The following ACSL4 variants were observed in gnomAD, a reference collection of about 807,000 sequenced individuals.
ACSL4 encodes the protein long-chain-fatty-acid--CoA ligase 4.
Under a neutral mutation model 49.1 loss-of-function variants are expected in ACSL4, and 9 were observed. That is an observed-to-expected ratio of 0.18 (90% CI 0.11 to 0.32). ACSL4 has a LOEUF of 0.32. ACSL4 is among the 10% of genes least tolerant of loss of function. The pLI, the probability that ACSL4 is intolerant of heterozygous loss-of-function variation, is 1.00. For synonymous variants in ACSL4, 191 were observed against 170.3 expected (o/e 1.12, Z -0.95); for missense variants, 333 against 493.7 (o/e 0.67, Z 3.08).
chrX:109,702,438 G>C (rs1301528455), intron 1 of ACSL4, among the ~76,000 whole-genome samples: 1 of 112,002 alleles, frequency 8.9e-6, no homozygotes, highest in Non-Finnish European at 1.9e-5. Context: ...ATATACTTAT[G>C]CTAGTGATTC....
intron 9 of ACSL4, among the ~76,000 whole-genome samples, chrX:109,669,468 A>G (rs2147410533): frequency 9.4e-6 from 1 of 105,833 alleles, no homozygotes; most frequent in Non-Finnish European, 1.9e-5. Context: ...ATCTCGGCTC[A>G]CTGCAAGCTC....
chrX:109,653,463 T>C (rs1369914015), intron 15 of ACSL4, among the ~76,000 whole-genome samples: 73 of 111,376 alleles, frequency 6.6e-4, no homozygotes, highest in Non-Finnish European at 1.3e-3. Context: ...GGGTATATAC[T>C]CAAAGGACTA....
At chrX:109,708,195 C>T (rs5943420) in intron 1 of ACSL4, among the ~76,000 whole-genome samples, 47,769 of 111,581 alleles carry the variant, frequency 0.43, 8,318 homozygotes, top group Middle Eastern at 0.61. Context: ...ATCCATCTGC[C>T]TCAGCCTCCC....
intron 1 of ACSL4, among the ~76,000 whole-genome samples, chrX:109,702,668 T>C (rs1312699869): frequency 9.0e-6 from 1 of 111,709 alleles, no homozygotes; most frequent in Non-Finnish European, 1.9e-5. Flanking sequence ...ATATTCAAGA[T>C]GAGGTTAGTG....
chrX:109,706,747 C>T lies in ACSL4; in HGVS notation c.-65-10551G>A, dbSNP rs1002537723. ...CAAACACTGACCTTACCACAACTCT[C>T]CTTTCCAAGTTTAGTCAAGAAGTGT... On this transcript the variant is annotated intron_variant, in intron 1 of 15. Coordinates refer to ENST00000672401, the MANE Select transcript of ACSL4 (RefSeq NM_001318510.2). 3.6e-5 allele frequency among the ~76,000 whole-genome samples: 4 copies of T among 112,368 alleles called. No individual in the cohort carries two copies. In the South Asian group the frequency reaches 1.5e-3, roughly 41 times the overall value.
intron 2 of ACSL4, among the ~76,000 whole-genome samples, chrX:109,690,821 A>G (rs1023248671): frequency 1.0e-4 from 11 of 110,110 alleles, no homozygotes; most frequent in Non-Finnish European, 2.1e-4. Context: ...AATCAGATTC[A>G]ATTTTATTTT....
At chrX:109,660,197 T>C (rs1172305270) in intron 14 of ACSL4, among the ~76,000 whole-genome samples, 3 of 110,991 alleles carry the variant, frequency 2.7e-5, no homozygotes, top group Non-Finnish European at 5.7e-5. Flanking sequence ...ATATATCTGA[T>C]AAGGGGTTAA....
At chrX:109,692,417 T>C (rs990267062) in intron 2 of ACSL4, among the ~76,000 whole-genome samples, 9 of 112,083 alleles carry the variant, frequency 8.0e-5, no homozygotes, top group African/African-American at 2.9e-4. Context: ...CAATAATTGG[T>C]TGTAAATAAT....
intron 8 of ACSL4, among the ~76,000 whole-genome samples, chrX:109,676,470 G>A (rs886310363): frequency 1.6e-4 from 18 of 111,468 alleles, no homozygotes; most frequent in Non-Finnish European, 3.2e-4. Context: ...GCCTGGTGGG[G>A]GGCGGTCTGA....
At chrX:109,648,347 C>G (rs1934835451) in intron 15 of ACSL4, among the ~76,000 whole-genome samples, 1 of 111,725 alleles carries the variant, frequency 9.0e-6, no homozygotes, top group South Asian at 3.8e-4. Flanking sequence ...GGCTTCATCC[C>G]TGGGATGCAA....
rs760470947 is a variant in ACSL4 at position 109,683,652 on chromosome X, G to A, written c.-12-277C>T. On this transcript the variant is annotated intron_variant, in intron 2 of 15. Transcript: ENST00000672401. ...TAAAAGTTAGTAATCTTTGGAAGCCGACAATAAAGTACGCCTGTAGGTGAT... is the reference window on the plus strand; with the variant it reads ...TAAAAGTTAGTAATCTTTGGAAGCCAACAATAAAGTACGCCTGTAGGTGAT... The A allele has an allele frequency of 2.0e-4, 88 of 440,764 alleles. No individual in the cohort carries two copies. In the South Asian group the frequency reaches 2.3e-3, roughly 12 times the overall value. The allele number at this position is 440,764 out of a possible 1,213,427, so 36.3% of individuals were successfully genotyped here. A position where few individuals can be genotyped will look rare whatever the true frequency, so the allele number is the denominator to read the frequency against.
chrX:109,684,110 G>C (rs755493230), intron 2 of ACSL4, among the ~76,000 whole-genome samples: 6 of 111,343 alleles, frequency 5.4e-5, no homozygotes, highest in South Asian at 3.8e-4. Context: ...TATCCAAAGG[G>C]GGGGGTGGGG....
chrX:109,644,770 A>G (rs920731881), intron 15 of ACSL4, among the ~76,000 whole-genome samples: 28 of 112,878 alleles, frequency 2.5e-4, no homozygotes, highest in East Asian at 5.6e-4. Context: ...CTGAGGTACC[A>G]GGTTCATCTC....
chrX:109,645,123 T>G (rs965229870), intron 15 of ACSL4, among the ~76,000 whole-genome samples: 1 of 113,124 alleles, frequency 8.8e-6, no homozygotes, highest in African/African-American at 3.2e-5. Context: ...CCAGGCTTGC[T>G]TAGGTAAACA....
intron 1 of ACSL4, among the ~76,000 whole-genome samples, chrX:109,732,529 G>A (rs1928547597): frequency 1.8e-5 from 2 of 111,768 alleles, no homozygotes; most frequent in African/African-American, 6.5e-5. Context: ...AAAGAACGGG[G>A]GTGGGGGAAG....
At chrX:109,665,313 A>G in intron 12 of ACSL4, 107 bp downstream of exon 12, 2 of 713,881 alleles carry the variant, frequency 2.8e-6, no homozygotes, top group South Asian at 2.2e-5. Context: ...ACAGCAAAAC[A>G]GCAGAGAATT....
chrX:109,673,783 G>A (rs950163523), intron 9 of ACSL4, among the ~76,000 whole-genome samples: 2 of 111,750 alleles, frequency 1.8e-5, no homozygotes, highest in African/African-American at 6.5e-5. Context: ...AGTTTCTGAA[G>A]CATAAAAAAA....
At chrX:109,714,460 T>C (rs1234028738) in intron 1 of ACSL4, among the ~76,000 whole-genome samples, 4 of 111,970 alleles carry the variant, frequency 3.6e-5, no homozygotes, top group Non-Finnish European at 5.6e-5. Flanking sequence ...GTACAGTATT[T>C]ATAAAGTGGA....
chrX:109,668,095 G>A lies in ACSL4; in HGVS notation c.1315+6C>T. On this transcript the variant is annotated splice_donor_region_variant and intron_variant, in intron 11 of 15. Transcript: ENST00000672401. ...ACAGAATATTTACCACATTAATAAT[G>A]CTTACCTTCAGTAACTGTCCCAGCA... 5 of 1,185,873 alleles carry A rather than the reference G, an allele frequency of 4.2e-6. No individual in the cohort carries two copies. The highest frequency in any genetic ancestry group is 5.7e-6 in the Non-Finnish European group (5 of 873,535).
Sources: allele counts gnomAD v4.1 joint callset (sites outside exome capture counted in the v4.1 genomes callset), GRCh38; gene constraint gnomAD v4.1.1; transcripts MANE v1.5; gene names NCBI Gene and HGNC (gene_info 2026-07-23, HGNC 2026-07-21).